ZFPM2: variants seen among roughly 807,000 people sequenced by gnomAD.
The protein encoded by ZFPM2 is zinc finger protein ZFPM2.
In ZFPM2, 20 loss-of-function variants were observed where a neutral mutation model predicts 98.6. That is an observed-to-expected ratio of 0.20 (90% CI 0.14 to 0.29). The LOEUF (loss-of-function observed/expected upper bound fraction) is 0.29, where lower values mean the gene tolerates loss of function less well. Ranked by LOEUF, ZFPM2 falls within the 10% of genes least tolerant of loss-of-function variation. The pLI, the probability that ZFPM2 is intolerant of heterozygous loss-of-function variation, is 1.00. For missense variants in ZFPM2, 1,310 were observed against 1,388.6 expected (o/e 0.94, Z 0.90); for synonymous variants, 518 against 502.7 (o/e 1.03, Z -0.41).
At chr8:105,448,078 A>G (rs1212109042) in intron 3 of ZFPM2, among the ~76,000 whole-genome samples, 2 of 152,072 alleles carry the variant, frequency 1.3e-5, no homozygotes, top group Non-Finnish European at 2.9e-5. Flanking sequence ...AATTCCTATG[A>G]ATCTTTCATG....
intron 3 of ZFPM2, among the ~76,000 whole-genome samples, chr8:105,522,316 G>GGC (rs1375226574): frequency 6.6e-6 from 1 of 152,178 alleles, no homozygotes; most frequent in Non-Finnish European, 1.5e-5. Context: ...GAAAAGTTAG[G>GGC]AACGATGTTT....
At chr8:105,373,357 T>TAATAA in intron 1 of ZFPM2, among the ~76,000 whole-genome samples, 1 of 152,352 alleles carries the variant, frequency 6.6e-6, no homozygotes, top group South Asian at 2.1e-4. Context: ...CATTCCAAGT[T>TAATAA]CAGTTATTAT....
At chr8:105,584,372 T>C (rs756743023) in intron 4 of ZFPM2, among the ~76,000 whole-genome samples, 3 of 151,976 alleles carry the variant, frequency 2.0e-5, no homozygotes, top group African/African-American at 4.8e-5. Flanking sequence ...AAGAAAAAAA[T>C]ATTTAAAGAA....
chr8:105,583,597 A>G lies in ZFPM2; in HGVS notation c.420+22116A>G, dbSNP rs1188816038. Among the ~76,000 whole-genome samples the G allele has an allele frequency of 3.9e-5, 6 of 152,128 alleles. No individual in the cohort carries two copies. In the South Asian group the frequency reaches 6.2e-4, roughly 16 times the overall value. On this transcript the variant is annotated intron_variant, in intron 4 of 7. Coordinates refer to ENST00000407775, the MANE Select transcript of ZFPM2 (RefSeq NM_012082.4). ...TAAGGGGAATTTTTTTCCTTTTTGTATAATTGAGAATCCAAAAAGCTTTTT... is the reference window on the plus strand; with the variant it reads ...TAAGGGGAATTTTTTTCCTTTTTGTGTAATTGAGAATCCAAAAAGCTTTTT...
chr8:105,397,561 A>G (rs767228130), intron 1 of ZFPM2, among the ~76,000 whole-genome samples: 2 of 152,112 alleles, frequency 1.3e-5, no homozygotes, highest in Non-Finnish European at 2.9e-5. Flanking sequence ...CATGTTTAAA[A>G]TTGTCTTCAA....
At chr8:105,653,541 C>CA (rs1190990420) in intron 5 of ZFPM2, among the ~76,000 whole-genome samples, 1 of 152,216 alleles carries the variant, frequency 6.6e-6, no homozygotes, top group Non-Finnish European at 1.5e-5. Context: ...TGTAAAAGCT[C>CA]AGGCCTCACT....
chr8:105,359,000 A>G (rs1169588465), intron 1 of ZFPM2, among the ~76,000 whole-genome samples: 5 of 152,162 alleles, frequency 3.3e-5, no homozygotes, highest in Admixed American at 2.6e-4. Context: ...AGAGGTAATT[A>G]TCAGACAAAC....
intron 3 of ZFPM2, among the ~76,000 whole-genome samples, chr8:105,540,004 G>A (rs908236877): frequency 6.6e-6 from 1 of 152,064 alleles, no homozygotes; most frequent in African/African-American, 2.4e-5. Flanking sequence ...CTTTCCTTAA[G>A]CATTTTCTTT....
At chr8:105,752,830 G>A (rs1182881388) in intron 5 of ZFPM2, among the ~76,000 whole-genome samples, 1 of 151,888 alleles carries the variant, frequency 6.6e-6, no homozygotes, top group Non-Finnish European at 1.5e-5. Flanking sequence ...TAAGTACATA[G>A]GGAAATCTAA....
chr8:105,422,591 A>G (rs1408962864), intron 2 of ZFPM2, among the ~76,000 whole-genome samples: 1 of 152,180 alleles, frequency 6.6e-6, no homozygotes, highest in Non-Finnish European at 1.5e-5. Context: ...TCTAAAGGCT[A>G]CCCATGACCA....
At chr8:105,681,948 A>G (rs1236990503) in intron 5 of ZFPM2, among the ~76,000 whole-genome samples, 2 of 152,100 alleles carry the variant, frequency 1.3e-5, no homozygotes, top group African/African-American at 2.4e-5. Flanking sequence ...TCACTGCTCT[A>G]TCTCCATTGT....
chr8:105,574,533 T>A (rs1207234393), intron 4 of ZFPM2, among the ~76,000 whole-genome samples: 1 of 152,188 alleles, frequency 6.6e-6, no homozygotes, highest in Non-Finnish European at 1.5e-5. Context: ...AATTCTTTCA[T>A]TATTTATGGC....
chr8:105,462,834 G>C (rs867590563), intron 3 of ZFPM2, among the ~76,000 whole-genome samples: 1 of 151,868 alleles, frequency 6.6e-6, no homozygotes, highest in Non-Finnish European at 1.5e-5. Context: ...TAGCGAATCC[G>C]TTTGTATCTA....
chr8:105,530,466 A>C (rs1180995598), intron 3 of ZFPM2, among the ~76,000 whole-genome samples: 2 of 152,176 alleles, frequency 1.3e-5, no homozygotes, highest in Non-Finnish European at 2.9e-5. Flanking sequence ...GGAGGCTAGA[A>C]GTCCAAGATC....
intron 1 of ZFPM2, among the ~76,000 whole-genome samples, chr8:105,402,888 T>C (rs1811369021): frequency 6.6e-6 from 1 of 152,092 alleles, no homozygotes; most frequent in Non-Finnish European, 1.5e-5. Context: ...GCCAGAAGAT[T>C]GGAGACTGTT....
At chr8:105,618,315 A>G (rs920552234) in intron 4 of ZFPM2, among the ~76,000 whole-genome samples, 2 of 152,180 alleles carry the variant, frequency 1.3e-5, no homozygotes, top group African/African-American at 4.8e-5. Context: ...GTTCATGGCT[A>G]AGGCAATTTC....
At chr8:105,619,531 T>A (rs1816489729) in intron 4 of ZFPM2, among the ~76,000 whole-genome samples, 1 of 152,082 alleles carries the variant, frequency 6.6e-6, no homozygotes, top group Non-Finnish European at 1.5e-5. Context: ...ATTTTATGAT[T>A]TTTTAATTTT....
chr8:105,432,988 G>C (rs1388646244), intron 2 of ZFPM2, among the ~76,000 whole-genome samples: 1 of 151,970 alleles, frequency 6.6e-6, no homozygotes, highest in Non-Finnish European at 1.5e-5. Context: ...TGTTATTCTA[G>C]CTACTTGAGG....
intron 5 of ZFPM2, among the ~76,000 whole-genome samples, chr8:105,665,844 A>G (rs1192376922): frequency 6.6e-6 from 1 of 152,200 alleles, no homozygotes; most frequent in Non-Finnish European, 1.5e-5. Context: ...ACTAAATATA[A>G]GTAAAGGAAG....
Sources: gnomAD v4.1 joint callset for allele counts (sites outside exome capture counted in the v4.1 genomes callset) on GRCh38, gnomAD v4.1.1 for gene constraint, MANE v1.5 for transcripts, NCBI Gene and HGNC (gene_info 2026-07-23, HGNC 2026-07-21) for gene names.